Variants in PREX1 observed in about 807,000 individuals in gnomAD.
PREX1 encodes phosphatidylinositol 3,4,5-trisphosphate-dependent Rac exchanger 1 protein.
PREX1 carries 41 observed loss-of-function variants against 198.3 expected under a neutral mutation model. That is an observed-to-expected ratio of 0.21 (90% CI 0.16 to 0.27). The LOEUF (loss-of-function observed/expected upper bound fraction) is 0.27, where lower values mean the gene tolerates loss of function less well. PREX1 is among the 10% of genes least tolerant of loss of function. The probability of loss-of-function intolerance (pLI) is 1.00; values close to 1 mark genes in which losing one functional copy is unlikely to be tolerated. For missense variants in PREX1, 1,620 were observed against 2,200.7 expected, an observed-to-expected ratio of 0.74 and a Z score of 5.28; for synonymous variants, 843 against 887.2, an observed-to-expected ratio of 0.95 and a Z score of 0.89.
the PREX1 span, among the ~76,000 whole-genome samples, chr20:48,870,759 G>A: frequency 6.0e-5 from 9 of 150,124 alleles, no homozygotes; most frequent in African/African-American, 2.0e-4. Flanking sequence ...ACCTACCTGG[G>A]TAACATGGCA....
At chr20:48,754,859 A>G (rs1012373646) in intron 1 of PREX1, among the ~76,000 whole-genome samples, 11 of 152,242 alleles carry the variant, frequency 7.2e-5, no homozygotes, top group Non-Finnish European at 1.2e-4. Context: ...TAAAATCGCT[A>G]TAACAGCAGA....
chr20:48,845,429 C>T, the PREX1 span, among the ~76,000 whole-genome samples: 1 of 152,086 alleles, frequency 6.6e-6, no homozygotes, highest in East Asian at 1.9e-4. Context: ...CTAGGCTGGG[C>T]GCAGTGGCTC....
At chr20:48,804,014 A>G (rs1250997408) in intron 1 of PREX1, among the ~76,000 whole-genome samples, 1 of 152,198 alleles carries the variant, frequency 6.6e-6, no homozygotes, top group Non-Finnish European at 1.5e-5. Context: ...GTAATGTCTC[A>G]CTTAGGTGCC....
intron 13 of PREX1, among the ~76,000 whole-genome samples, chr20:48,679,003 G>A (rs2089728435): frequency 1.3e-5 from 2 of 152,194 alleles, no homozygotes; most frequent in Admixed American, 1.3e-4. Context: ...TAAGCAAAGG[G>A]AACAGCAGGC....
chr20:48,846,856 C>G, the PREX1 span, among the ~76,000 whole-genome samples: 1 of 152,198 alleles, frequency 6.6e-6, no homozygotes, highest in East Asian at 1.9e-4. Flanking sequence ...CTGCAGCCCC[C>G]ACCCACCCAC....
chr20:48,732,243 C>T (rs1293091177), intron 4 of PREX1, among the ~76,000 whole-genome samples: 1 of 152,212 alleles, frequency 6.6e-6, no homozygotes, highest in Non-Finnish European at 1.5e-5. Context: ...AATCAGTCTG[C>T]CAATTTGCCC....
At chr20:48,678,596 G>C (rs1272931251) in intron 13 of PREX1, among the ~76,000 whole-genome samples, 1 of 152,198 alleles carries the variant, frequency 6.6e-6, no homozygotes, top group Non-Finnish European at 1.5e-5. Flanking sequence ...GAGGGACCCA[G>C]TGGGAAACTA....
At position 48,625,226 on chromosome 20, in the gene PREX1, C is replaced by T. The variant is rs1601021224; in HGVS notation, c.*659G>A. Reference sequence around the variant, plus strand: ...AACAACAAAAAATCCCAAAATAAACCAGAGATTTCATGCCATATAAATAAA... The same window carrying T: ...AACAACAAAAAATCCCAAAATAAACTAGAGATTTCATGCCATATAAATAAA... On this transcript the variant is annotated 3_prime_UTR_variant, in exon 40 of 40. Coordinates refer to ENST00000371941, the MANE Select transcript of PREX1 (RefSeq NM_020820.4). The T allele has an allele frequency of 6.6e-6, 1 of 152,460 alleles. No homozygotes were observed. The highest frequency in any genetic ancestry group is 1.9e-4 in the East Asian group (1 of 5,194). The allele number at this position is 152,460 out of a possible 1,614,324, so 9.4% of individuals were successfully genotyped here. A position where few individuals can be genotyped will look rare whatever the true frequency, so the allele number is the denominator to read the frequency against.
rs1456807618 is a variant in PREX1, at chr20:48,624,860, C to T, written c.*1025G>A. The T allele has an allele frequency of 6.6e-6, 1 of 152,272 alleles. No individual in the cohort carries two copies. Among genetic ancestry groups the T allele is most frequent in the Admixed American group, 6.5e-5 (1 of 15,280 alleles). 9.4% of individuals were successfully genotyped at this position (152,272 alleles called of 1,614,324 possible). A position where few individuals can be genotyped will look rare whatever the true frequency, so the allele number is the denominator to read the frequency against. ...GGCTCCATCCCCTCCAGCTCCAACC[C>T]TGGCTGGCCACCTCTCAGGCCCTTG... is the stretch of plus-strand genomic sequence containing the variant. On this transcript the variant is annotated 3_prime_UTR_variant, in exon 40 of 40. Coordinates refer to ENST00000371941, the MANE Select transcript of PREX1 (RefSeq NM_020820.4).
At chr20:48,673,247 T>C (rs891083929) in intron 14 of PREX1, among the ~76,000 whole-genome samples, 2 of 152,204 alleles carry the variant, frequency 1.3e-5, no homozygotes, top group Admixed American at 6.5e-5. Context: ...ATTTTCCCCA[T>C]ACATTCTTGC....
chr20:48,847,760 A>C, the PREX1 span, among the ~76,000 whole-genome samples: 1 of 152,120 alleles, frequency 6.6e-6, no homozygotes, highest in Non-Finnish European at 1.5e-5. Flanking sequence ...GATCTAGAAC[A>C]TTCCCCTCAC....
intron 1 of PREX1, among the ~76,000 whole-genome samples, chr20:48,763,599 G>A (rs1459911043): frequency 6.6e-6 from 1 of 152,158 alleles, no homozygotes; most frequent in Non-Finnish European, 1.5e-5. Flanking sequence ...CCAAACAATT[G>A]TTCCTGGGGC....
chr20:48,655,334 T>C lies in PREX1; in HGVS notation c.2165A>G (p.Gln722Arg), dbSNP rs1405405695. 4 of 1,600,888 alleles carry C rather than the reference T, an allele frequency of 2.5e-6. No homozygotes were observed. Among genetic ancestry groups the C allele is most frequent in the Non-Finnish European group, 3.4e-6 (4 of 1,172,110 alleles). Reference sequence around the variant, plus strand: ...GTACGGTGGGGCAGCTCCACGAATCTGGAAGCACAGTGTGTCCGGCTGGTC... The same window carrying C: ...GTACGGTGGGGCAGCTCCACGAATCCGGAAGCACAGTGTGTCCGGCTGGTC... ...IPDQPDTLCFQIRGAAPPYVY... is the reference protein window; with the variant it reads ...IPDQPDTLCFRIRGAAPPYVY... The change falls in exon 19 of 40, where the codon CAG becomes CGG. Residue 722 changes from glutamine (Q) to arginine (R), a missense_variant. Gln to Arg is a conservative substitution (Grantham distance 43). Around this residue, in one of 7 missense-constraint regions of PREX1, gnomAD observed 514 missense variants for 611.6 expected, o/e 0.84. Coordinates refer to ENST00000371941, the MANE Select transcript of PREX1 (RefSeq NM_020820.4).
rs1009242760 is a variant in PREX1, at chr20:48,681,131, C to G, written c.1435+104G>C. On this transcript the variant is annotated intron_variant, in intron 11 of 39. Coordinates refer to ENST00000371941, the MANE Select transcript of PREX1 (RefSeq NM_020820.4). ...ACACTGTGCCCAGAAAACACGGCGG[C>G]TGCACGAAAGGATAGGAGCTGCCTG... 5 of 990,674 alleles carry G rather than the reference C, an allele frequency of 5.0e-6. No individual in the cohort carries two copies. In the African/African-American group the frequency reaches 6.4e-5, roughly 13 times the overall value. The allele number at this position is 990,674 out of a possible 1,614,324, so 61.4% of individuals were successfully genotyped here.
upstream of PREX1, among the ~76,000 whole-genome samples, chr20:48,828,326 C>G (rs538816994): frequency 6.6e-5 from 10 of 152,104 alleles, no homozygotes; most frequent in East Asian, 1.7e-3. Context: ...TGGCGCCCCC[C>G]CAACCCGCAG....
chr20:48,722,999 C>T (rs2122687144), intron 5 of PREX1, among the ~76,000 whole-genome samples: 1 of 152,358 alleles, frequency 6.6e-6, no homozygotes, highest in Non-Finnish European at 1.5e-5. Flanking sequence ...CTGAATCATT[C>T]CCCTGGCAAC....
chr20:48,666,300 TTGTTG>T lies in PREX1; in HGVS notation c.1716_1720del (p.Cys572Ter). The T allele has an allele frequency of 6.4e-7, 1 of 1,569,856 alleles. No individual in the cohort carries two copies. Among genetic ancestry groups the T allele is most frequent in the Non-Finnish European group, 8.6e-7 (1 of 1,157,742 alleles). On this transcript the variant is annotated stop_gained and frameshift_variant, in exon 15 of 40. Coordinates refer to ENST00000371941, the MANE Select transcript of PREX1 (RefSeq NM_020820.4). LOFTEE classifies it high-confidence loss of function. This position sits in a 1 kb window ranked among gnomAD's most constrained non-coding sequence, Gnocchi z 4.3. ...GTGGTTACCGTGGTGCATGAAGCCA[TTGTTG>T]CACAGACCCACGCCGAGCGCCACTG... is the stretch of plus-strand genomic sequence containing the variant.
chr20:48,824,620 T>A (rs918796359), intron 1 of PREX1, among the ~76,000 whole-genome samples: 1 of 152,232 alleles, frequency 6.6e-6, no homozygotes, highest in Non-Finnish European at 1.5e-5. Context: ...AACTCACTTA[T>A]CTTCTTTAAA....
Position 48,632,587 on chromosome 20 carries a change from G to A in PREX1, c.4320C>T (p.Ile1440=), listed in dbSNP as rs2089323761. 6.2e-7 allele frequency: 1 copy of A among 1,613,930 alleles called. No homozygotes were observed. Among genetic ancestry groups the A allele is most frequent in the African/African-American group, 1.3e-5 (1 of 74,920 alleles). Residue 1440 remains isoleucine, a synonymous_variant, in exon 34 of 40, where the codon ATC becomes ATT. Coordinates refer to ENST00000371941, the MANE Select transcript of PREX1 (RefSeq NM_020820.4). Reference sequence around the variant, plus strand: ...AGAAGTGGTAGCTGTCGAGGTAGAAGATGACCTTCAGCGCCTGCCGGCTGC... The same window carrying A: ...AGAAGTGGTAGCTGTCGAGGTAGAAAATGACCTTCAGCGCCTGCCGGCTGC... ...IEGSRQALKV[I]FYLDSYHFSK... is the part of the protein sequence containing the mutation.
Sources: allele counts gnomAD v4.1 joint callset (sites outside exome capture counted in the v4.1 genomes callset), GRCh38; gene constraint gnomAD v4.1.1; regional missense constraint gnomAD v4.1.1; non-coding constraint Gnocchi (gnomAD v3.1); transcripts MANE v1.5; gene names NCBI Gene and HGNC (gene_info 2026-07-23, HGNC 2026-07-21).